The following SV2B variants were observed in gnomAD, a reference collection of about 807,000 sequenced individuals.
SV2B encodes solute carrier family 22 member B2.
In SV2B, 41 loss-of-function variants were observed where a neutral mutation model predicts 73.9. The ratio of observed to expected loss-of-function variants is 0.56; its 90% CI spans 0.43 to 0.72. The LOEUF (loss-of-function observed/expected upper bound fraction) is 0.72, where lower values mean the gene tolerates loss of function less well. Ranked by LOEUF, SV2B falls within the 30% of genes least tolerant of loss-of-function variation. The pLI, the probability that SV2B is intolerant of heterozygous loss-of-function variation, is 0.00. For synonymous variants in SV2B, 314 were observed against 314.2 expected (o/e 1.00, Z 0.01); for missense variants, 764 against 857.8 (o/e 0.89, Z 1.37).
intron 1 of SV2B, among the ~76,000 whole-genome samples, chr15:91,131,122 A>G (rs932151946): frequency 2.1e-5 from 3 of 143,514 alleles, no homozygotes; most frequent in Non-Finnish European, 3.0e-5. Flanking sequence ...AGATGGGGGG[A>G]GATTCAGGGA....
intron 1 of SV2B, among the ~76,000 whole-genome samples, chr15:91,103,809 A>G (rs1397770325): frequency 1.3e-5 from 2 of 152,130 alleles, no homozygotes; most frequent in Non-Finnish European, 2.9e-5. Context: ...AGAAGGCAAC[A>G]TTTACTTCTG....
chr15:91,152,452 T>G (rs1204991700), intron 1 of SV2B, among the ~76,000 whole-genome samples: 1 of 152,114 alleles, frequency 6.6e-6, no homozygotes, highest in Non-Finnish European at 1.5e-5. Flanking sequence ...CCTGATCTTT[T>G]TCCATATGAG....
chr15:91,165,035 G>A (rs1444876964), intron 1 of SV2B, among the ~76,000 whole-genome samples: 3 of 152,070 alleles, frequency 2.0e-5, no homozygotes, highest in Non-Finnish European at 2.9e-5. Context: ...AAGCAACTGT[G>A]GATCAAAAAA....
chr15:91,182,613 C>A (rs1048401233), intron 1 of SV2B, among the ~76,000 whole-genome samples: 1 of 152,142 alleles, frequency 6.6e-6, no homozygotes, highest in Non-Finnish European at 1.5e-5. Flanking sequence ...AGCCATCTCT[C>A]AAACACGTGC....
At chr15:91,169,084 G>C (rs1045062751) in intron 1 of SV2B, among the ~76,000 whole-genome samples, 6 of 152,158 alleles carry the variant, frequency 3.9e-5, no homozygotes, top group African/African-American at 1.4e-4. Flanking sequence ...ATTTGATGAT[G>C]AGGAGGTTAC....
rs2046430440 is a variant in SV2B, at chr15:91,227,738, G to T, written c.451+1024G>T. ...CTTTTGTCTCTCAAATAATTTGCATGTAGTTGAACAAACAGACATTAACAA... is the reference window on the plus strand; with the variant it reads ...CTTTTGTCTCTCAAATAATTTGCATTTAGTTGAACAAACAGACATTAACAA... On this transcript the variant is annotated intron_variant, in intron 2 of 12. Coordinates refer to ENST00000394232, the MANE Select transcript of SV2B (RefSeq NM_001323032.3). The surrounding 1 kb of genome is among the most constrained non-coding windows in gnomAD (Gnocchi z 4.5). Among the ~76,000 whole-genome samples, 1 of 152,228 alleles carries T rather than the reference G, an allele frequency of 6.6e-6. No individual in the cohort carries two copies. Among genetic ancestry groups the T allele is most frequent in the South Asian group, 2.1e-4 (1 of 4,830 alleles).
chr15:91,150,224 C>G (rs1454505851), intron 1 of SV2B, among the ~76,000 whole-genome samples: 1 of 152,124 alleles, frequency 6.6e-6, no homozygotes, highest in East Asian at 1.9e-4. Flanking sequence ...CCAGGCTGGT[C>G]TCGAACTCCT....
At position 91,231,714 on chromosome 15, in the gene SV2B, C is replaced by T. The variant is rs988959831; in HGVS notation, c.451+5000C>T. Among the ~76,000 whole-genome samples, 2 of 152,164 alleles carry T rather than the reference C, an allele frequency of 1.3e-5. No homozygotes were observed. The highest frequency in any genetic ancestry group is 2.4e-5 in the African/African-American group (1 of 41,432). ...TATAATAGTGAGCTTCACTTTCAGG[C>T]AAGAGTTCCGTGTTTTGCCTGCAGA... On this transcript the variant is annotated intron_variant, in intron 2 of 12. Coordinates refer to ENST00000394232, the MANE Select transcript of SV2B (RefSeq NM_001323032.3). This position sits in a 1 kb window ranked among gnomAD's most constrained non-coding sequence, Gnocchi z 4.5.
Position 91,124,346 on chromosome 15 carries a change from AG to A in SV2B, c.-392+23985del, listed in dbSNP as rs1190005107. Among the ~76,000 whole-genome samples the A allele has an allele frequency of 6.6e-6, 1 of 152,100 alleles. No homozygotes were observed. Among genetic ancestry groups the A allele is most frequent in the African/African-American group, 2.4e-5 (1 of 41,406 alleles). On this transcript the variant is annotated intron_variant, in intron 1 of 12. Transcript: ENST00000394232. This position sits in a 1 kb window ranked among gnomAD's most constrained non-coding sequence, Gnocchi z 4.6. ...CGACTTCCCAGGCAGGACTCTTGGG[AG>A]GATTGTGAAGCTAATGGCACCTCCT...
intron 1 of SV2B, among the ~76,000 whole-genome samples, chr15:91,111,931 C>A (rs77403698): frequency 0.058 from 8,809 of 152,050 alleles, 318 homozygotes; most frequent in South Asian, 0.17. Context: ...CTCACTATTG[C>A]CAGGACAGCA....
chr15:91,218,795 G>A (rs2046118505), intron 1 of SV2B, among the ~76,000 whole-genome samples: 1 of 152,160 alleles, frequency 6.6e-6, no homozygotes, highest in Non-Finnish European at 1.5e-5. Flanking sequence ...AGTCACAGAT[G>A]CTACCGACTC....
intron 6 of SV2B, among the ~76,000 whole-genome samples, chr15:91,263,295 CACAG>C (rs909958921): frequency 6.6e-6 from 1 of 151,690 alleles, no homozygotes. Context: ...AACACAGACA[CACAG>C]ACACAGGAAC....
intron 1 of SV2B, among the ~76,000 whole-genome samples, chr15:91,156,062 A>G (rs2043480471): frequency 6.6e-6 from 1 of 152,050 alleles, no homozygotes; most frequent in South Asian, 2.1e-4. Context: ...GGTCAAGCAG[A>G]AACAAGGAAT....
intron 1 of SV2B, among the ~76,000 whole-genome samples, chr15:91,148,180 C>A (rs182351765): frequency 0.018 from 2,696 of 151,712 alleles, 95 homozygotes; most frequent in African/African-American, 0.062. Context: ...GGGGTTTCAC[C>A]ATGTTGGTCA....
At position 91,299,640 on chromosome 15, in the gene SV2B, ATTATTT is replaced by A. The variant is rs1235568170; in HGVS notation, c.*7103_*7108del. On this transcript the variant is annotated 3_prime_UTR_variant, in exon 13 of 13. Transcript: ENST00000394232. ...GAAAGGTAGCGCAAGTTTTTATTTC[ATTATTT>A]TTATTTTTATTTTTTTGAGACAGAG... The A allele has an allele frequency of 6.6e-6, 1 of 152,012 alleles. No homozygotes were observed. The highest frequency in any genetic ancestry group is 2.4e-5 in the African/African-American group (1 of 41,410). The allele number at this position is 152,012 out of a possible 1,614,324, so 9.4% of individuals were successfully genotyped here.
At chr15:91,191,435 G>A (rs1488209582) in intron 1 of SV2B, among the ~76,000 whole-genome samples, 1 of 151,532 alleles carries the variant, frequency 6.6e-6, no homozygotes, top group African/African-American at 2.4e-5. Flanking sequence ...CCTTCATATC[G>A]AAGTACTTGC....
chr15:91,284,258 C>A lies in SV2B; in HGVS notation c.1708+37C>A. The A allele has an allele frequency of 6.2e-7, 1 of 1,606,408 alleles. No homozygotes were observed. Among genetic ancestry groups the A allele is most frequent in the Non-Finnish European group, 8.5e-7 (1 of 1,173,648 alleles). The stretch of plus-strand genomic sequence containing the variant: ...GCAGGGTCATTCCTGGGTTCCAACG[C>A]GCTGGGGTGGTGACTTTCAAGTGTA... On this transcript the variant is annotated intron_variant, in intron 11 of 12. Coordinates refer to ENST00000394232, the MANE Select transcript of SV2B (RefSeq NM_001323032.3). The surrounding 1 kb of genome is among the most constrained non-coding windows in gnomAD (Gnocchi z 4.5).
At chr15:91,149,908 C>T (rs2043260648) in intron 1 of SV2B, among the ~76,000 whole-genome samples, 1 of 152,202 alleles carries the variant, frequency 6.6e-6, no homozygotes. Flanking sequence ...TGTGCTGACT[C>T]ACGTCCAGGC....
intron 1 of SV2B, among the ~76,000 whole-genome samples, chr15:91,194,465 C>T (rs1235581950): frequency 6.6e-6 from 1 of 152,236 alleles, no homozygotes; most frequent in Non-Finnish European, 1.5e-5. Context: ...TGGCCATACG[C>T]ACTCTTTTCT....
Sources: allele counts gnomAD v4.1 joint callset (sites outside exome capture counted in the v4.1 genomes callset), GRCh38; gene constraint gnomAD v4.1.1; non-coding constraint Gnocchi (gnomAD v3.1); transcripts MANE v1.5; gene names NCBI Gene and HGNC (gene_info 2026-07-23, HGNC 2026-07-21).